CDK14: variants seen among roughly 807,000 people sequenced by gnomAD.
The protein encoded by CDK14 is cyclin dependent kinase 14.
Under a neutral mutation model 60.7 loss-of-function variants are expected in CDK14, and 34 were observed. The observed-to-expected ratio is 0.56, with a 90% CI of 0.43 to 0.75. The LOEUF (loss-of-function observed/expected upper bound fraction) is 0.75. Ranked by LOEUF, CDK14 falls within the 30% of genes least tolerant of loss-of-function variation. The pLI is 0.00. For missense variants in CDK14, 482 were observed against 564.1 expected, an observed-to-expected ratio of 0.85 and a Z score of 1.47; for synonymous variants, 197 against 203.7, an observed-to-expected ratio of 0.97 and a Z score of 0.28.
intron 3 of CDK14, among the ~76,000 whole-genome samples, chr7:90,731,834 T>C (rs1032579005): frequency 1.3e-5 from 2 of 151,978 alleles, no homozygotes; most frequent in African/African-American, 4.8e-5. Context: ...ACTTTATTTC[T>C]TTCTCTTGCC....
chr7:91,101,825 C>T (rs1487060289), intron 12 of CDK14, among the ~76,000 whole-genome samples: 1 of 152,048 alleles, frequency 6.6e-6, no homozygotes, highest in African/African-American at 2.4e-5. Flanking sequence ...CCCCTCCTTG[C>T]AAAATGAATA....
chr7:90,622,966 A>G (rs1216818866), intron 2 of CDK14, among the ~76,000 whole-genome samples: 2 of 125,750 alleles, frequency 1.6e-5, no homozygotes, highest in African/African-American at 3.0e-5. Context: ...CTCCATCTGC[A>G]CTCTCTGGTT....
At chr7:91,086,879 C>G (rs1168051487) in intron 12 of CDK14, among the ~76,000 whole-genome samples, 1 of 152,112 alleles carries the variant, frequency 6.6e-6, no homozygotes, top group Non-Finnish European at 1.5e-5. Context: ...AATGTTCAGC[C>G]TCAAAATAAA....
chr7:90,868,804 A>G (rs1791277853), intron 6 of CDK14, among the ~76,000 whole-genome samples: 1 of 152,206 alleles, frequency 6.6e-6, no homozygotes. Flanking sequence ...AATAATGCTT[A>G]GAGAATTTAA....
chr7:91,080,263 A>G (rs898615262), intron 12 of CDK14, among the ~76,000 whole-genome samples: 2 of 151,706 alleles, frequency 1.3e-5, no homozygotes, highest in Non-Finnish European at 2.9e-5. Context: ...ATCACGTTTA[A>G]TTTTGGATAC....
At chr7:91,107,357 A>G (rs1799334540) in intron 12 of CDK14, 1 of 152,248 alleles carries the variant, frequency 6.6e-6, no homozygotes, top group Admixed American at 6.5e-5. Flanking sequence ...CACACACAGG[A>G]CATTCTAGTC....
At chr7:90,996,394 C>G (rs749928478) in intron 10 of CDK14, among the ~76,000 whole-genome samples, 4 of 152,130 alleles carry the variant, frequency 2.6e-5, no homozygotes, top group Non-Finnish European at 5.9e-5. Flanking sequence ...TTGCCCAACG[C>G]CCTGCAAGAA....
intron 2 of CDK14, among the ~76,000 whole-genome samples, chr7:90,656,674 C>A (rs184855440): frequency 6.6e-6 from 1 of 152,090 alleles, no homozygotes; most frequent in Non-Finnish European, 1.5e-5. Context: ...CACCGCGCCC[C>A]GCCTTCTCCT....
intron 1 of CDK14, among the ~76,000 whole-genome samples, chr7:90,598,048 ATGTTGAGTCG>A (rs1317524012): frequency 2.6e-5 from 4 of 152,196 alleles, no homozygotes; most frequent in Non-Finnish European, 5.9e-5. Flanking sequence ...AGAGAGGGAA[ATGTTGAGTCG>A]TGTGCATTAT....
At chr7:90,717,087 T>G (rs1332877180) in intron 2 of CDK14, among the ~76,000 whole-genome samples, 1 of 152,066 alleles carries the variant, frequency 6.6e-6, no homozygotes, top group African/African-American at 2.4e-5. Context: ...TAGGGCTGGT[T>G]GTTAGTAATT....
intron 9 of CDK14, among the ~76,000 whole-genome samples, chr7:90,970,701 A>G (rs908609773): frequency 1.3e-5 from 2 of 152,162 alleles, no homozygotes; most frequent in Admixed American, 6.5e-5. Context: ...CATTCAAGTA[A>G]ATTGTACAGT....
At chr7:90,952,567 T>C (rs990885623) in intron 8 of CDK14, among the ~76,000 whole-genome samples, 4 of 152,200 alleles carry the variant, frequency 2.6e-5, no homozygotes, top group African/African-American at 9.7e-5. Context: ...CAAGCCATTT[T>C]AGGTGCCCAT....
At chr7:90,811,149 C>G (rs899184359) in intron 5 of CDK14, among the ~76,000 whole-genome samples, 7 of 151,958 alleles carry the variant, frequency 4.6e-5, no homozygotes, top group South Asian at 2.1e-4. Flanking sequence ...AAAAGAGCCC[C>G]CATTGCCAAG....
chr7:90,742,372 T>C (rs1803381640), intron 3 of CDK14, among the ~76,000 whole-genome samples: 1 of 152,066 alleles, frequency 6.6e-6, no homozygotes, highest in Non-Finnish European at 1.5e-5. Context: ...AAGCTGTTCA[T>C]AGTGTTCCAG....
intron 2 of CDK14, among the ~76,000 whole-genome samples, chr7:90,630,297 A>G (rs1439786720): frequency 1.3e-5 from 2 of 152,122 alleles, no homozygotes; most frequent in East Asian, 1.9e-4. Context: ...GGTATAGCCT[A>G]TTGCACACCT....
chr7:90,717,420 T>C (rs1424944808), intron 2 of CDK14, among the ~76,000 whole-genome samples: 1 of 152,086 alleles, frequency 6.6e-6, no homozygotes, highest in East Asian at 1.9e-4. Context: ...GTAAGGGATG[T>C]AACAAAACTA....
chr7:90,902,642 A>G (rs995725441), intron 7 of CDK14, among the ~76,000 whole-genome samples: 4 of 152,172 alleles, frequency 2.6e-5, no homozygotes, highest in East Asian at 1.9e-4. Context: ...GCCCAAAACT[A>G]TTGAACTCAT....
chr7:90,821,540 G>A (rs1789550542), intron 5 of CDK14, among the ~76,000 whole-genome samples: 1 of 152,170 alleles, frequency 6.6e-6, no homozygotes, highest in Admixed American at 6.5e-5. Flanking sequence ...CTCACCCCAT[G>A]AGAGGAGGCA....
chr7:90,909,615 G>A (rs2117389199), intron 7 of CDK14, among the ~76,000 whole-genome samples: 1 of 152,040 alleles, frequency 6.6e-6, no homozygotes, highest in South Asian at 2.1e-4. Flanking sequence ...TGCTCATTGT[G>A]GGCACCTCCA....
Sources: allele counts gnomAD v4.1 joint callset (sites outside exome capture counted in the v4.1 genomes callset), GRCh38; gene constraint gnomAD v4.1.1; transcripts MANE v1.5; gene names NCBI Gene and HGNC (gene_info 2026-07-23, HGNC 2026-07-21).